RBFOX2: variants seen among roughly 807,000 people sequenced by gnomAD.
RBFOX2 encodes RNA binding protein fox-1 homolog 2.
In RBFOX2, 10 loss-of-function variants were observed where a neutral mutation model predicts 49.1. That is an observed-to-expected ratio of 0.20 (90% CI 0.13 to 0.35). The LOEUF is 0.35. Among genes scored for constraint, RBFOX2 ranks in the 10% least tolerant of loss-of-function variants. The probability of loss-of-function intolerance (pLI) is 1.00; values close to 1 mark genes in which losing one functional copy is unlikely to be tolerated. For synonymous variants in RBFOX2, 183 were observed against 187.4 expected (o/e 0.98, Z 0.19); for missense variants, 323 against 486.9 (o/e 0.66, Z 3.17).
exon 2 of RBFOX2, chr22:35,809,962 G>A: frequency 6.2e-7 from 1 of 1,614,106 alleles, no homozygotes; most frequent in Non-Finnish European, 8.5e-7. Context: ...GTAGTAAAAG[G>A]CTGAACCATT....
chr22:35,877,098 C>T (rs1160588102), intron 1 of RBFOX2, among the ~76,000 whole-genome samples: 3 of 152,086 alleles, frequency 2.0e-5, no homozygotes, highest in Non-Finnish European at 4.4e-5. Flanking sequence ...TATTTCAACA[C>T]CTACTGCATT....
chr22:35,991,650 G>A (rs1238012242), intron 1 of RBFOX2, among the ~76,000 whole-genome samples: 4 of 152,136 alleles, frequency 2.6e-5, no homozygotes, highest in African/African-American at 7.2e-5. Flanking sequence ...GGTCACTGGA[G>A]AGAGGAAGAA....
chr22:35,971,854 C>G (rs2150013411), intron 1 of RBFOX2, among the ~76,000 whole-genome samples: 1 of 147,428 alleles, frequency 6.8e-6, no homozygotes, highest in East Asian at 2.0e-4. Flanking sequence ...GTAGCAGGCC[C>G]ATCTGGAATC....
chr22:35,878,214 C>A (rs570576170), intron 1 of RBFOX2, among the ~76,000 whole-genome samples: 1 of 151,858 alleles, frequency 6.6e-6, no homozygotes, highest in East Asian at 1.9e-4. Flanking sequence ...CTGGCGAACA[C>A]GGTGAAACCC....
upstream of RBFOX2, chr22:35,961,772 G>C: frequency 1.7e-6 from 2 of 1,183,654 alleles, no homozygotes; most frequent in Non-Finnish European, 2.2e-6. Flanking sequence ...AAAAGACGAT[G>C]CTTTCAACAG....
At chr22:35,986,184 C>T (rs542159626) in intron 1 of RBFOX2, among the ~76,000 whole-genome samples, 51 of 152,230 alleles carry the variant, frequency 3.4e-4, no homozygotes, top group African/African-American at 1.2e-3. Flanking sequence ...AGAGGCACAA[C>T]CCATGTGCAC....
intron 1 of RBFOX2, among the ~76,000 whole-genome samples, chr22:35,865,848 T>G (rs1354198084): frequency 6.6e-6 from 1 of 152,182 alleles, no homozygotes; most frequent in Non-Finnish European, 1.5e-5. Flanking sequence ...GATAAAGGAC[T>G]GTTGTGTTGT....
chr22:35,851,315 A>G (rs1391168785), intron 1 of RBFOX2, among the ~76,000 whole-genome samples: 1 of 152,250 alleles, frequency 6.6e-6, no homozygotes, highest in African/African-American at 2.4e-5. Flanking sequence ...ACAAGAATAA[A>G]TCTATTCAGT....
At chr22:35,790,021 CAA>C (rs1056171460) in intron 2 of RBFOX2, among the ~76,000 whole-genome samples, 1 of 152,084 alleles carries the variant, frequency 6.6e-6, no homozygotes, top group Non-Finnish European at 1.5e-5. Flanking sequence ...TCAGGTTCTT[CAA>C]AAAAGTCTTC....
In RBFOX2 at chr22:35,881,233, C is replaced by G. The variant is rs549393523; in HGVS notation, c.-34+57614G>C. Among the ~76,000 whole-genome samples the G allele has an allele frequency of 2.0e-5, 3 of 151,520 alleles. No individual in the cohort carries two copies. The East Asian group carries it at 5.9e-4, about 30-fold the overall frequency. ...GAGCCGACGATCGCGCCACTGCACT[C>G]CAGCTTGGCAACAGAGTGAGACTCC... On this transcript the variant is annotated intron_variant, in intron 1 of 13. Transcript: ENST00000359369.
At chr22:35,905,484 C>T (rs1344607978) in intron 1 of RBFOX2, among the ~76,000 whole-genome samples, 1 of 152,124 alleles carries the variant, frequency 6.6e-6, no homozygotes, top group East Asian at 1.9e-4. Context: ...TTATACAACA[C>T]AATTTAGAAG....
chr22:35,942,544 C>T (rs2053806924), upstream of RBFOX2, among the ~76,000 whole-genome samples: 1 of 151,618 alleles, frequency 6.6e-6, no homozygotes, highest in African/African-American at 2.4e-5. Context: ...TTCAACATCC[C>T]ACCTGCAAGG....
At position 35,835,432 on chromosome 22, in the gene RBFOX2, T is replaced by C. The variant is rs571551983; in HGVS notation, c.27+4760A>G. On this transcript the variant is annotated intron_variant, in intron 1 of 11. Transcript: ENST00000405409. ...AAGTTCAAATTTGAGAGAGATAAAA[T>C]TGTTTACATATGGCAATCTGTGTAG... Among the ~76,000 whole-genome samples the C allele has an allele frequency of 2.6e-4, 39 of 152,226 alleles. No individual in the cohort carries two copies. In the South Asian group the frequency reaches 7.7e-3, roughly 30 times the overall value.
intron 1 of RBFOX2, among the ~76,000 whole-genome samples, chr22:36,024,185 T>C (rs2146567859): frequency 6.6e-6 from 1 of 152,304 alleles, no homozygotes; most frequent in East Asian, 1.9e-4. Flanking sequence ...AAAAGGTAAA[T>C]TTCAATTTCA....
At chr22:35,803,560 C>T (rs1465970226) in intron 2 of RBFOX2, among the ~76,000 whole-genome samples, 1 of 152,052 alleles carries the variant, frequency 6.6e-6, no homozygotes, top group Non-Finnish European at 1.5e-5. Flanking sequence ...GCCTGTAGTA[C>T]CAGCTACTCA....
At chr22:35,846,099 TTAATA>T (rs1334956004) in intron 1 of RBFOX2, among the ~76,000 whole-genome samples, 11 of 150,500 alleles carry the variant, frequency 7.3e-5, no homozygotes, top group Non-Finnish European at 1.0e-4. Flanking sequence ...AACTTGCATG[TTAATA>T]TAATTACATA....
chr22:36,020,128 C>CA (rs1426847570), intron 1 of RBFOX2, among the ~76,000 whole-genome samples: 3 of 152,114 alleles, frequency 2.0e-5, no homozygotes, highest in East Asian at 1.9e-4. Flanking sequence ...ACAAACCTGA[C>CA]AAAAAACAAG....
intron 1 of RBFOX2, among the ~76,000 whole-genome samples, chr22:35,924,766 A>G (rs1362342215): frequency 2.0e-5 from 3 of 152,270 alleles, no homozygotes; most frequent in Non-Finnish European, 4.4e-5. Flanking sequence ...TACTTTGTGC[A>G]AAGTATTCAA....
chr22:35,844,217 G>C (rs978406523), upstream of RBFOX2, among the ~76,000 whole-genome samples: 1 of 152,160 alleles, frequency 6.6e-6, no homozygotes, highest in African/African-American at 2.4e-5. Flanking sequence ...AACGGTTGGA[G>C]TTACTGTTCT....
Sources: gnomAD v4.1 joint callset for allele counts (sites outside exome capture counted in the v4.1 genomes callset) on GRCh38, gnomAD v4.1.1 for gene constraint, MANE v1.5 for transcripts, NCBI Gene and HGNC (gene_info 2026-07-23, HGNC 2026-07-21) for gene names.